The following NLGN1 variants were observed in gnomAD, a reference collection of about 807,000 sequenced individuals.
The protein encoded by NLGN1 is neuroligin-1.
NLGN1 carries 12 observed loss-of-function variants against 65.5 expected under a neutral mutation model. The ratio of observed to expected loss-of-function variants is 0.18; its 90% CI spans 0.12 to 0.30. The LOEUF is 0.30. Among genes scored for constraint, NLGN1 ranks in the 10% least tolerant of loss-of-function variants. The probability of loss-of-function intolerance (pLI) is 1.00; values close to 1 mark genes in which losing one functional copy is unlikely to be tolerated. For synonymous variants in NLGN1, 350 were observed against 359.5 expected, an observed-to-expected ratio of 0.97 and a Z score of 0.30; for missense variants, 750 against 1,007.1, an observed-to-expected ratio of 0.74 and a Z score of 3.46.
At chr3:173,726,928 C>G (rs1321246790) in intron 3 of NLGN1, among the ~76,000 whole-genome samples, 3 of 96,702 alleles carry the variant, frequency 3.1e-5, no homozygotes, top group Non-Finnish European at 6.9e-5. Flanking sequence ...GATTCACTTT[C>G]CATTTCCTTA....
rs540535889 is a variant in NLGN1 at position 174,279,703 on chromosome 3, T to C, written c.1649+53T>C. ...TTTAATAAAAATGTTATTTTAACCA[T>C]TTTAAAATAATAGATATTTATGCCC... On this transcript the variant is annotated intron_variant, in intron 6 of 6. Coordinates refer to ENST00000457714, the Ensembl canonical transcript of NLGN1. This position sits in a 1 kb window ranked among gnomAD's most constrained non-coding sequence, Gnocchi z 4.7. 9.1e-7 allele frequency: 1 copy of C among 1,094,974 alleles called. No individual in the cohort carries two copies. Among genetic ancestry groups the C allele is most frequent in the Non-Finnish European group, 1.3e-6 (1 of 761,800 alleles). 67.8% of individuals were successfully genotyped at this position (1,094,974 alleles called of 1,614,324 possible).
At chr3:173,747,954 T>G (rs1394007043) in intron 3 of NLGN1, among the ~76,000 whole-genome samples, 2 of 151,154 alleles carry the variant, frequency 1.3e-5, no homozygotes, top group Admixed American at 6.6e-5. Context: ...GCTGGGATTA[T>G]GGGGGTGCCC....
chr3:173,525,811 A>G lies in NLGN1; in HGVS notation c.-320-78468A>G, dbSNP rs145781057. On this transcript the variant is annotated intron_variant, in intron 2 of 6. Coordinates refer to ENST00000457714, the Ensembl canonical transcript of NLGN1. ...GTATGTTGTGTCTCTATTTTCATTCATTTCAAAAATGTTTTTTGATTTCTG... is the reference window on the plus strand; with the variant it reads ...GTATGTTGTGTCTCTATTTTCATTCGTTTCAAAAATGTTTTTTGATTTCTG... Among the ~76,000 whole-genome samples the G allele has an allele frequency of 4.2e-3, 637 of 152,084 alleles. 4 individuals carry two copies. Among genetic ancestry groups the G allele is most frequent in the African/African-American group, 0.014 (600 of 41,510 alleles).
At chr3:173,718,327 T>C (rs1389884092) in intron 3 of NLGN1, among the ~76,000 whole-genome samples, 2 of 152,134 alleles carry the variant, frequency 1.3e-5, no homozygotes, top group Admixed American at 1.3e-4. Flanking sequence ...CTGGTAACCA[T>C]CATTCTACTC....
intron 4 of NLGN1, among the ~76,000 whole-genome samples, chr3:174,154,335 A>C (rs2152708400): frequency 6.6e-6 from 1 of 152,188 alleles, no homozygotes; most frequent in Non-Finnish European, 1.5e-5. Flanking sequence ...TGGAAAAAAT[A>C]AGATTGCATT....
chr3:173,706,700 A>G (rs1243184387), intron 3 of NLGN1, among the ~76,000 whole-genome samples: 1 of 152,238 alleles, frequency 6.6e-6, no homozygotes, highest in Non-Finnish European at 1.5e-5. Context: ...GTATTTACGT[A>G]CAGATATCGA....
At chr3:173,787,196 A>G (rs930973793) in intron 3 of NLGN1, among the ~76,000 whole-genome samples, 1 of 152,212 alleles carries the variant, frequency 6.6e-6, no homozygotes, top group African/African-American at 2.4e-5. Context: ...TTTAAAATTT[A>G]CAAGCATTAA....
intron 4 of NLGN1, among the ~76,000 whole-genome samples, chr3:174,121,532 T>G (rs1341795877): frequency 6.6e-6 from 1 of 152,184 alleles, no homozygotes; most frequent in Non-Finnish European, 1.5e-5. Flanking sequence ...TGGCTTGAGC[T>G]TCAAGTAGCC....
intron 4 of NLGN1, among the ~76,000 whole-genome samples, chr3:174,090,693 G>A (rs775587879): frequency 3.3e-5 from 5 of 151,648 alleles, no homozygotes; most frequent in South Asian, 2.1e-4. Context: ...AAGAGAAATG[G>A]CAATATTTGT....
In NLGN1 at chr3:173,811,925, T is replaced by G. The variant is rs148686673; in HGVS notation, c.646+4093T>G. Among the ~76,000 whole-genome samples, 3 of 152,276 alleles carry G rather than the reference T, an allele frequency of 2.0e-5. No individual in the cohort carries two copies. The East Asian group carries it at 5.8e-4, about 29-fold the overall frequency. On this transcript the variant is annotated intron_variant, in intron 4 of 6. Transcript: ENST00000457714. ...TTACTTTTGGAGTAAAAGAAAAATT[T>G]TAATACCCCTGTGAGGATCTTACTT...
chr3:174,188,384 C>G (rs967367405), intron 4 of NLGN1, among the ~76,000 whole-genome samples: 2 of 151,884 alleles, frequency 1.3e-5, no homozygotes, highest in Non-Finnish European at 2.9e-5. Flanking sequence ...GATGACAAAA[C>G]CAGGAGCTTC....
downstream of NLGN1, among the ~76,000 whole-genome samples, chr3:174,287,211 T>C (rs1752231051): frequency 6.6e-6 from 1 of 151,506 alleles, no homozygotes; most frequent in African/African-American, 2.4e-5. Flanking sequence ...TTGTACTATC[T>C]AATCAATAAT....
chr3:173,830,748 C>T (rs1201870168), intron 4 of NLGN1, among the ~76,000 whole-genome samples: 1 of 152,044 alleles, frequency 6.6e-6, no homozygotes, highest in East Asian at 1.9e-4. Flanking sequence ...GTACATTGCA[C>T]CCATAAATAA....
chr3:173,966,109 A>G (rs73040102), intron 4 of NLGN1, among the ~76,000 whole-genome samples: 7 of 152,330 alleles, frequency 4.6e-5, no homozygotes, highest in African/African-American at 1.7e-4. Context: ...TATTCAAAAT[A>G]AGTATTATTT....
intron 2 of NLGN1, among the ~76,000 whole-genome samples, chr3:173,548,035 G>A (rs935583339): frequency 3.3e-5 from 5 of 151,488 alleles, no homozygotes; most frequent in Admixed American, 1.3e-4. Context: ...TAACTTATTC[G>A]TTAATTTACT....
chr3:173,995,531 C>T (rs778956462), intron 4 of NLGN1, among the ~76,000 whole-genome samples: 4 of 151,952 alleles, frequency 2.6e-5, no homozygotes, highest in East Asian at 1.9e-4. Flanking sequence ...TCCCACTGTA[C>T]AAATGACTAC....
chr3:173,942,664 T>C (rs1259375077), intron 4 of NLGN1, among the ~76,000 whole-genome samples: 2 of 138,498 alleles, frequency 1.4e-5, no homozygotes, highest in East Asian at 2.2e-4. Flanking sequence ...TGAAAAGGTA[T>C]GTGAAACTTT....
chr3:173,990,790 TA>T (rs1285126930), intron 4 of NLGN1, among the ~76,000 whole-genome samples: 2 of 152,210 alleles, frequency 1.3e-5, no homozygotes, highest in East Asian at 3.8e-4. Flanking sequence ...TAATGAAAGA[TA>T]TTAATTCTAT....
At chr3:173,642,013 GCTCTCTCTCT>G (rs138192749) in intron 3 of NLGN1, among the ~76,000 whole-genome samples, 17,353 of 146,272 alleles carry the variant, frequency 0.12, 1,020 homozygotes, top group Middle Eastern at 0.28. Flanking sequence ...TCAGTGGACT[GCTCTCTCTCT>G]CTCTCTCTCT....
Sources: gnomAD v4.1 joint callset for allele counts (sites outside exome capture counted in the v4.1 genomes callset) on GRCh38, gnomAD v4.1.1 for gene constraint, Gnocchi (gnomAD v3.1) non-coding constraint, MANE v1.5 for transcripts, NCBI Gene and HGNC (gene_info 2026-07-23, HGNC 2026-07-21) for gene names.